CCDC85A: variants seen among roughly 807,000 people sequenced by gnomAD.
CCDC85A encodes the protein coiled-coil domain containing 85A.
In CCDC85A, 38 loss-of-function variants were observed where a neutral mutation model predicts 50.2. That is an observed-to-expected ratio of 0.76 (90% CI 0.58 to 0.99). The LOEUF is 0.99. CCDC85A is among the 50% of genes least tolerant of loss of function. The pLI is 0.00. For missense variants in CCDC85A, 820 were observed against 742.0 expected (o/e 1.11, Z -1.22); for synonymous variants, 366 against 301.4 (o/e 1.21, Z -2.22).
intron 1 of CCDC85A, among the ~76,000 whole-genome samples, chr2:56,190,987 C>G (rs1298489027): frequency 6.6e-6 from 1 of 152,220 alleles, no homozygotes; most frequent in African/African-American, 2.4e-5. Context: ...CCTGATGCCT[C>G]TCAGACCCCC....
intron 2 of CCDC85A, among the ~76,000 whole-genome samples, chr2:56,323,716 G>A (rs1485435195): frequency 6.6e-6 from 1 of 151,942 alleles, no homozygotes; most frequent in Non-Finnish European, 1.5e-5. Context: ...TACTAGAACA[G>A]GATTGAGGAG....
Position 56,332,004 on chromosome 2 carries a change from C to T in CCDC85A, c.1241-10875C>T, listed in dbSNP as rs113406223. The stretch of plus-strand genomic sequence containing the variant: ...CTCTCATTCAGTGTCGGACACCTGC[C>T]CCGCCGTGCATTGCACACAGCTGTG... On this transcript the variant is annotated intron_variant, in intron 2 of 5. Transcript: ENST00000407595. 3.9e-3 allele frequency among the ~76,000 whole-genome samples: 592 copies of T among 152,342 alleles called. 3 individuals are homozygous for T. Among genetic ancestry groups the T allele is most frequent in the Middle Eastern group, 0.017 (5 of 294 alleles).
intron 2 of CCDC85A, among the ~76,000 whole-genome samples, chr2:56,307,597 G>A (rs1250161617): frequency 6.6e-6 from 1 of 152,094 alleles, no homozygotes; most frequent in African/African-American, 2.4e-5. Context: ...TTATTTTGTG[G>A]CAGTTATTTA....
intron 2 of CCDC85A, among the ~76,000 whole-genome samples, chr2:56,221,849 A>C (rs1484216733): frequency 6.6e-6 from 1 of 152,126 alleles, no homozygotes; most frequent in African/African-American, 2.4e-5. Flanking sequence ...AGAATACCAC[A>C]ACAAAAATTT....
chr2:56,340,655 C>G (rs1674316737), intron 2 of CCDC85A, among the ~76,000 whole-genome samples: 1 of 151,978 alleles, frequency 6.6e-6, no homozygotes, highest in Non-Finnish European at 1.5e-5. Context: ...GCGGGAGGAT[C>G]TTTTGAGGTC....
chr2:56,265,320 A>G (rs12621959), intron 2 of CCDC85A, among the ~76,000 whole-genome samples: 45,157 of 152,132 alleles, frequency 0.3, 7,004 homozygotes, highest in South Asian at 0.37. Context: ...TGTGTTCTTA[A>G]CACAGCTACC....
chr2:56,312,165 A>G (rs1672724982), intron 2 of CCDC85A, among the ~76,000 whole-genome samples: 1 of 152,134 alleles, frequency 6.6e-6, no homozygotes, highest in Non-Finnish European at 1.5e-5. Flanking sequence ...TTTGAGGTGT[A>G]GGAACGTGAC....
intron 2 of CCDC85A, chr2:56,235,335 T>C (rs1407480667): frequency 6.6e-6 from 1 of 152,158 alleles, no homozygotes; most frequent in Non-Finnish European, 1.5e-5. Flanking sequence ...GCAGACAGCA[T>C]AGGTAGTTTT....
chr2:56,302,122 G>A (rs1239191359), intron 2 of CCDC85A, among the ~76,000 whole-genome samples: 4 of 152,036 alleles, frequency 2.6e-5, no homozygotes, highest in Admixed American at 2.6e-4. Context: ...CGGGCCTGGT[G>A]GTGGGCGCCT....
At position 56,292,977 on chromosome 2, in the gene CCDC85A, T is replaced by C. The variant is rs968287130; in HGVS notation, c.1241-49902T>C. ...GAAATCAAGGGGGTTTAGAGCACCA[T>C]TCCAGCTTTTCCATGTCATGGCACA... On this transcript the variant is annotated intron_variant, in intron 2 of 5. Coordinates refer to ENST00000407595, the MANE Select transcript of CCDC85A (RefSeq NM_001080433.2). Among the ~76,000 whole-genome samples, 11 of 152,212 alleles carry C rather than the reference T, an allele frequency of 7.2e-5. 1 individual carries two copies. Among genetic ancestry groups the C allele is most frequent in the Non-Finnish European group, 1.6e-4 (11 of 68,032 alleles).
chr2:56,317,140 T>G (rs1672958842), intron 2 of CCDC85A, among the ~76,000 whole-genome samples: 1 of 152,096 alleles, frequency 6.6e-6, no homozygotes, highest in South Asian at 2.1e-4. Context: ...ATGCCTGTAT[T>G]TCTCATAGCC....
chr2:56,267,909 A>C (rs190454824), intron 2 of CCDC85A, among the ~76,000 whole-genome samples: 1 of 152,310 alleles, frequency 6.6e-6, no homozygotes. Flanking sequence ...TTTGGTGTGA[A>C]GTTTGGTAGG....
intron 2 of CCDC85A, among the ~76,000 whole-genome samples, chr2:56,274,294 A>T (rs972380503): frequency 6.6e-6 from 1 of 152,148 alleles, no homozygotes; most frequent in Admixed American, 6.5e-5. Flanking sequence ...GTGTGTATGT[A>T]AGTGTGTGTA....
intron 2 of CCDC85A, among the ~76,000 whole-genome samples, chr2:56,269,648 A>T (rs986636282): frequency 2.0e-5 from 3 of 152,118 alleles, no homozygotes; most frequent in African/African-American, 7.2e-5. Flanking sequence ...GCTCACATTC[A>T]GTTGTCGTAA....
chr2:56,193,726 T>C (rs1275257368), intron 2 of CCDC85A, among the ~76,000 whole-genome samples: 1 of 152,106 alleles, frequency 6.6e-6, no homozygotes, highest in African/African-American at 2.4e-5. Context: ...AGGGAAATCT[T>C]TGGGTATTGG....
chr2:56,263,649 T>C (rs1164108796), intron 2 of CCDC85A, among the ~76,000 whole-genome samples: 1 of 152,228 alleles, frequency 6.6e-6, no homozygotes, highest in Non-Finnish European at 1.5e-5. Flanking sequence ...TATGCTAGAC[T>C]GAAAGATGAG....
At chr2:56,346,146 C>T (rs181339649) in intron 3 of CCDC85A, among the ~76,000 whole-genome samples, 149 of 152,246 alleles carry the variant, frequency 9.8e-4, no homozygotes, top group African/African-American at 3.5e-3. Context: ...CCTCAATGCT[C>T]CTTTTTATTC....
chr2:56,304,516 G>A (rs1185265915), intron 2 of CCDC85A, among the ~76,000 whole-genome samples: 1 of 152,122 alleles, frequency 6.6e-6, no homozygotes, highest in Non-Finnish European at 1.5e-5. Context: ...ATCTGTGCTG[G>A]TGGCAGAATA....
chr2:56,381,263 A>T (rs1676572598), intron 5 of CCDC85A, among the ~76,000 whole-genome samples: 1 of 147,152 alleles, frequency 6.8e-6, no homozygotes, highest in Admixed American at 6.6e-5. Context: ...ACCTGTGCTT[A>T]AGATTTTCAA....
Sources: gnomAD v4.1 joint callset for allele counts (sites outside exome capture counted in the v4.1 genomes callset) on GRCh38, gnomAD v4.1.1 for gene constraint, MANE v1.5 for transcripts, NCBI Gene and HGNC (gene_info 2026-07-23, HGNC 2026-07-21) for gene names.